HMG20A: variants seen among roughly 807,000 people sequenced by gnomAD.
The protein encoded by HMG20A is high mobility group protein 20A.
In HMG20A, 17 loss-of-function variants were observed where a neutral mutation model predicts 43.9. That is an observed-to-expected ratio of 0.39 (90% CI 0.27 to 0.58). The LOEUF (loss-of-function observed/expected upper bound fraction) is 0.58. HMG20A is among the 20% of genes least tolerant of loss of function. The probability of loss-of-function intolerance (pLI) is 0.59; values close to 1 mark genes in which losing one functional copy is unlikely to be tolerated. For missense variants in HMG20A, 341 were observed against 438.2 expected, an observed-to-expected ratio of 0.78 and a Z score of 1.98; for synonymous variants, 132 against 147.5, an observed-to-expected ratio of 0.89 and a Z score of 0.76.
At chr15:77,494,744 C>T in the HMG20A span, among the ~76,000 whole-genome samples, 7 of 152,262 alleles carry the variant, frequency 4.6e-5, no homozygotes, top group South Asian at 8.3e-4. Context: ...AAATGAATTA[C>T]AGCAACAAAA....
At chr15:77,439,026 C>T (rs2073581260) in intron 1 of HMG20A, among the ~76,000 whole-genome samples, 1 of 152,108 alleles carries the variant, frequency 6.6e-6, no homozygotes, top group African/African-American at 2.4e-5. Flanking sequence ...ATCTCCTTAC[C>T]TCGTGATCCA....
At chr15:77,498,743 G>A in the HMG20A span, among the ~76,000 whole-genome samples, 9 of 152,158 alleles carry the variant, frequency 5.9e-5, no homozygotes, top group East Asian at 1.7e-3. Flanking sequence ...ATCTCATAGT[G>A]GAAAAACATT....
chr15:77,449,486 T>C (rs1278314854), intron 1 of HMG20A, among the ~76,000 whole-genome samples: 6 of 152,232 alleles, frequency 3.9e-5, no homozygotes, highest in Non-Finnish European at 8.8e-5. Flanking sequence ...GCTGGTAGAC[T>C]ACTCTCTAGT....
intron 3 of HMG20A, among the ~76,000 whole-genome samples, chr15:77,466,231 A>G (rs2072755460): frequency 6.6e-6 from 1 of 152,178 alleles, no homozygotes; most frequent in Non-Finnish European, 1.5e-5. Context: ...AAATACAAAA[A>G]TTAGCTGGGT....
intron 1 of HMG20A, among the ~76,000 whole-genome samples, chr15:77,439,104 G>T (rs2073582491): frequency 6.6e-6 from 1 of 152,166 alleles, no homozygotes; most frequent in Admixed American, 6.5e-5. Flanking sequence ...TAGGTTTGGA[G>T]TTCATTATAA....
At chr15:77,455,630 C>G (rs1169945950) in intron 1 of HMG20A, among the ~76,000 whole-genome samples, 6 of 152,110 alleles carry the variant, frequency 3.9e-5, no homozygotes, top group Non-Finnish European at 7.4e-5. Flanking sequence ...AGTGAAGAGC[C>G]AAACTTGTAT....
rs751003971 is a variant in HMG20A, at chr15:77,468,165, CA to C, written c.450+859del. 2.0e-3 allele frequency among the ~76,000 whole-genome samples: 309 copies of C among 152,274 alleles called. 2 individuals carry two copies. Among genetic ancestry groups the C allele is most frequent in the Middle Eastern group, 3.4e-3 (1 of 294 alleles). On this transcript the variant is annotated intron_variant, in intron 4 of 9. Coordinates refer to ENST00000336216, the MANE Select transcript of HMG20A (RefSeq NM_001304504.2). The stretch of plus-strand genomic sequence containing the variant: ...TTTGTGGTAGCAAGCTAGTAGAAAG[CA>C]GTGAATATCATCCATTGTTTTGGCG...
Position 77,470,815 on chromosome 15 carries a change from A to G in HMG20A, c.451-95A>G, listed in dbSNP as rs577667654. On this transcript the variant is annotated intron_variant, in intron 4 of 9. Transcript: ENST00000336216. Reference sequence around the variant, plus strand: ...ATATTCCCTATATTCTTTTCTTCCCATGTTCTAATTGTCCTGTTTTCTTCA... The same window carrying G: ...ATATTCCCTATATTCTTTTCTTCCCGTGTTCTAATTGTCCTGTTTTCTTCA... 1.0e-5 allele frequency: 11 copies of G among 1,079,412 alleles called. No individual in the cohort carries two copies. In the South Asian group the frequency reaches 2.2e-4, roughly 21 times the overall value. The allele number at this position is 1,079,412 out of a possible 1,614,324, so 66.9% of individuals were successfully genotyped here.
chr15:77,476,408 C>T lies in HMG20A; in HGVS notation c.616-1147C>T, dbSNP rs2072855723. 6.9e-5 allele frequency among the ~76,000 whole-genome samples: 10 copies of T among 144,702 alleles called. No homozygotes were observed. In the Admixed American group the frequency reaches 7.3e-4, roughly 11 times the overall value. 94.9% of individuals were successfully genotyped at this position (144,702 alleles called of 152,430 possible). A position where few individuals can be genotyped will look rare whatever the true frequency, so the allele number is the denominator to read the frequency against. On this transcript the variant is annotated intron_variant, in intron 6 of 9. Coordinates refer to ENST00000336216, the MANE Select transcript of HMG20A (RefSeq NM_001304504.2). The stretch of plus-strand genomic sequence containing the variant: ...GCTGAGGCAGGAGAATTGCTTGAAC[C>T]TGGGAGACAGAGGTTGCAGTGAGCT...
At chr15:77,429,832 A>T (rs1234165660) in intron 1 of HMG20A, among the ~76,000 whole-genome samples, 1 of 152,194 alleles carries the variant, frequency 6.6e-6, no homozygotes. Context: ...TTTTTGCAAA[A>T]ATGAAAAGGA....
At chr15:77,426,933 A>T (rs1204697988) in intron 1 of HMG20A, among the ~76,000 whole-genome samples, 1 of 152,170 alleles carries the variant, frequency 6.6e-6, no homozygotes, top group African/African-American at 2.4e-5. Context: ...TGTAGCAGGG[A>T]TTTTGGTAAA....
intron 1 of HMG20A, among the ~76,000 whole-genome samples, chr15:77,449,283 C>T (rs1057306357): frequency 5.9e-5 from 9 of 151,966 alleles, no homozygotes; most frequent in African/African-American, 2.2e-4. Context: ...CCTAAATTGC[C>T]TCTTCTCTCT....
the HMG20A span, among the ~76,000 whole-genome samples, chr15:77,495,455 A>AAG: frequency 6.6e-6 from 1 of 152,230 alleles, no homozygotes; most frequent in Non-Finnish European, 1.5e-5. Context: ...AGGCTGAGGC[A>AAG]AGAGAATCGC....
intron 6 of HMG20A, among the ~76,000 whole-genome samples, chr15:77,472,488 A>T (rs1042340781): frequency 7.9e-5 from 12 of 152,114 alleles, no homozygotes; most frequent in African/African-American, 2.9e-4. Context: ...ATGAGCCAGG[A>T]TGGTCTCGAT....
chr15:77,424,601 A>G (rs1274142872), intron 1 of HMG20A, among the ~76,000 whole-genome samples: 7 of 152,178 alleles, frequency 4.6e-5, no homozygotes, highest in African/African-American at 1.4e-4. Flanking sequence ...TGATTTGCCC[A>G]CATGTCTGTT....
intron 1 of HMG20A, among the ~76,000 whole-genome samples, chr15:77,425,145 T>C (rs1432203029): frequency 6.6e-6 from 1 of 152,226 alleles, no homozygotes; most frequent in African/African-American, 2.4e-5. Flanking sequence ...TCTCCCAAAC[T>C]GTACACGTTC....
chr15:77,439,028 C>T (rs1473486581), intron 1 of HMG20A, among the ~76,000 whole-genome samples: 7 of 152,222 alleles, frequency 4.6e-5, no homozygotes, highest in East Asian at 3.9e-4. Flanking sequence ...CTCCTTACCT[C>T]GTGATCCACC....
At chr15:77,441,393 T>C (rs544936024) in intron 1 of HMG20A, among the ~76,000 whole-genome samples, 7 of 152,226 alleles carry the variant, frequency 4.6e-5, no homozygotes, top group Admixed American at 1.3e-4. Flanking sequence ...GAATTTTTAA[T>C]ATATTCCTAT....
the HMG20A span, among the ~76,000 whole-genome samples, chr15:77,494,409 G>A: frequency 1.3e-5 from 2 of 152,166 alleles, no homozygotes; most frequent in African/African-American, 4.8e-5. Flanking sequence ...GGGATTACAG[G>A]CATGAGTCAC....
Sources: gnomAD v4.1 joint callset for allele counts (sites outside exome capture counted in the v4.1 genomes callset) on GRCh38, gnomAD v4.1.1 for gene constraint, MANE v1.5 for transcripts, NCBI Gene and HGNC (gene_info 2026-07-23, HGNC 2026-07-21) for gene names.